Variants in ELAPOR1 observed in about 807,000 individuals in gnomAD.
ELAPOR1 encodes the protein endosome-lysosome associated apoptosis and autophagy regulator 1.
A neutral mutation model predicts 119.7 loss-of-function variants in ELAPOR1; 77 were observed. The observed-to-expected ratio is 0.64, with a 90% CI of 0.54 to 0.78. The LOEUF is 0.78. ELAPOR1 is among the 30% of genes least tolerant of loss of function. The probability of loss-of-function intolerance (pLI) is 0.00; values close to 1 mark genes in which losing one functional copy is unlikely to be tolerated. For missense variants in ELAPOR1, 1,115 were observed against 1,270.4 expected, an observed-to-expected ratio of 0.88 and a Z score of 1.86; for synonymous variants, 481 against 487.2, an observed-to-expected ratio of 0.99 and a Z score of 0.17.
chr1:109,188,176 G>A lies in ELAPOR1; in HGVS notation c.1042-1G>A. ...GAGTTGTGCTTAATCCATTTCTGCA[G>A]ACACAACTCATGTACAAATGGGCCA... On this transcript the variant is annotated splice_acceptor_variant, in intron 8 of 21. Coordinates refer to ENST00000369939, the MANE Select transcript of ELAPOR1 (RefSeq NM_020775.5). LOFTEE classifies it high-confidence loss of function. The A allele has an allele frequency of 6.2e-7, 1 of 1,600,696 alleles. No individual in the cohort carries two copies. The highest frequency in any genetic ancestry group is 8.6e-7 in the Non-Finnish European group (1 of 1,169,312).
chr1:109,162,006 C>T lies in ELAPOR1; in HGVS notation c.266C>T (p.Thr89Ile), dbSNP rs1184246447. 2 of 1,612,024 alleles carry T rather than the reference C, an allele frequency of 1.2e-6. No individual in the cohort carries two copies. Among genetic ancestry groups the T allele is most frequent in the Non-Finnish European group, 1.7e-6 (2 of 1,178,416 alleles). The stretch of plus-strand genomic sequence containing the variant: ...AGCCTGCCTGACCCCATCAAGGGCA[C>T]CGAGTGCTGTAAGCAGCTATCCTGC... The part of the protein sequence containing the change: ...CTSLPDPIKG[T>I]ECSFSCNAGE... The change falls in exon 2 of 22, where the codon ACC (threonine) becomes ATC (isoleucine). Residue 89 changes from threonine to isoleucine, a missense_variant. Transcript: ENST00000369939.
At chr1:109,121,978 T>C (rs1304666823) in intron 1 of ELAPOR1, among the ~76,000 whole-genome samples, 1 of 151,908 alleles carries the variant, frequency 6.6e-6, no homozygotes, top group African/African-American at 2.4e-5. Context: ...TACATCATAT[T>C]GGCTAGGCTG....
At chr1:109,131,664 G>T (rs1167939179) in intron 1 of ELAPOR1, among the ~76,000 whole-genome samples, 1 of 152,120 alleles carries the variant, frequency 6.6e-6, no homozygotes, top group Non-Finnish European at 1.5e-5. Flanking sequence ...TATAATGCAC[G>T]TATATAAGAG....
chr1:109,191,506 C>T, intron 12 of ELAPOR1, 35 bp downstream of exon 12: 1 of 1,560,954 alleles, frequency 6.4e-7, no homozygotes, highest in Non-Finnish European at 8.8e-7. Flanking sequence ...TAGAGGGCCT[C>T]CAGGGGAGGG....
chr1:109,174,234 C>G (rs1229145747), intron 7 of ELAPOR1, among the ~76,000 whole-genome samples: 1 of 150,372 alleles, frequency 6.7e-6, no homozygotes, highest in Non-Finnish European at 1.5e-5. Flanking sequence ...CCAGGCTGGT[C>G]TTGAACTCCT....
chr1:109,201,551 C>T (rs574324043), intron 21 of ELAPOR1: 1 of 342,892 alleles, frequency 2.9e-6, no homozygotes, highest in East Asian at 7.8e-5. Flanking sequence ...TACCTGACTA[C>T]TGCTCTGAAC....
At chr1:109,189,273 T>C (rs1479423448) in intron 10 of ELAPOR1, 79 bp downstream of exon 10, 1 of 1,502,968 alleles carries the variant, frequency 6.7e-7, no homozygotes, top group East Asian at 2.4e-5. Flanking sequence ...TTCTTCATAA[T>C]AGTGATGTCT....
chr1:109,135,457 C>T (rs1649411242), intron 1 of ELAPOR1, among the ~76,000 whole-genome samples: 1 of 152,102 alleles, frequency 6.6e-6, no homozygotes, highest in Non-Finnish European at 1.5e-5. Context: ...ACCAGGCTGG[C>T]TGGTCTCCAA....
At chr1:109,158,313 T>TC (rs1286760734) in intron 1 of ELAPOR1, among the ~76,000 whole-genome samples, 80 of 151,470 alleles carry the variant, frequency 5.3e-4, no homozygotes, top group African/African-American at 1.9e-3. Context: ...AGTTTTCTTT[T>TC]TTTTTTTTTT....
intron 3 of ELAPOR1, 103 bp from the exon 4 acceptor site, chr1:109,171,763 C>A: frequency 8.2e-7 from 1 of 1,221,178 alleles, no homozygotes; most frequent in Non-Finnish European, 1.1e-6. Flanking sequence ...GAATCACAAG[C>A]CTGAAAATTC....
At chr1:109,119,398 G>T (rs992496989) in intron 1 of ELAPOR1, among the ~76,000 whole-genome samples, 6 of 151,140 alleles carry the variant, frequency 4.0e-5, no homozygotes, top group Non-Finnish European at 7.4e-5. Context: ...TGCCCAGGCT[G>T]GTCTCAAACT....
intron 1 of ELAPOR1, among the ~76,000 whole-genome samples, chr1:109,141,386 C>T (rs553268046): frequency 6.6e-6 from 1 of 151,886 alleles, no homozygotes; most frequent in Admixed American, 6.6e-5. Flanking sequence ...CTCAGCCTCC[C>T]GAGTAGCTGG....
At chr1:109,164,717 A>C (rs1570668788) in intron 3 of ELAPOR1, 26 bp downstream of exon 3, 2 of 1,574,780 alleles carry the variant, frequency 1.3e-6, no homozygotes, top group Admixed American at 1.7e-5. Context: ...CCCCCACCCC[A>C]CCCCCAGCCC....
chr1:109,140,137 A>G (rs910588228), intron 1 of ELAPOR1, among the ~76,000 whole-genome samples: 2 of 150,084 alleles, frequency 1.3e-5, no homozygotes, highest in Non-Finnish European at 2.9e-5. Context: ...GTATTAACCA[A>G]TGTGGTATAT....
At chr1:109,143,886 C>T (rs1649988392) in intron 1 of ELAPOR1, among the ~76,000 whole-genome samples, 2 of 151,038 alleles carry the variant, frequency 1.3e-5, no homozygotes, top group Non-Finnish European at 3.0e-5. Flanking sequence ...ATCTGGAACT[C>T]CTGGGCTCCA....
At chr1:109,120,059 C>A (rs1648294217) in intron 1 of ELAPOR1, among the ~76,000 whole-genome samples, 1 of 152,024 alleles carries the variant, frequency 6.6e-6, no homozygotes, top group African/African-American at 2.4e-5. Flanking sequence ...AGAGGTGGGG[C>A]CTTTGGGAGG....
At chr1:109,198,800 G>A (rs139981751) in intron 18 of ELAPOR1, 126 bp downstream of exon 18, 1 of 766,668 alleles carries the variant, frequency 1.3e-6, no homozygotes, top group Admixed American at 2.4e-5. Context: ...TGGGTGCTTA[G>A]GGGCACAGTC....
intron 2 of ELAPOR1, among the ~76,000 whole-genome samples, chr1:109,163,553 C>A (rs576032610): frequency 5.1e-4 from 71 of 138,638 alleles, no homozygotes; most frequent in African/African-American, 1.7e-3. Context: ...CGACCACTCC[C>A]AGCTAATTTA....
At chr1:109,123,633 T>G (rs1648586652) in intron 1 of ELAPOR1, among the ~76,000 whole-genome samples, 1 of 152,214 alleles carries the variant, frequency 6.6e-6, no homozygotes, top group Non-Finnish European at 1.5e-5. Context: ...TTTGCAACAA[T>G]TATACTCTCT....
Sources: gnomAD v4.1 joint callset for allele counts (sites outside exome capture counted in the v4.1 genomes callset) on GRCh38, gnomAD v4.1.1 for gene constraint, MANE v1.5 for transcripts, NCBI Gene and HGNC (gene_info 2026-07-23, HGNC 2026-07-21) for gene names.